Variants in SYN2 observed in about 807,000 individuals in gnomAD.
SYN2 encodes synapsin II, also known as synapsin-2.
SYN2 carries 19 observed loss-of-function variants against 50.9 expected under a neutral mutation model. The observed-to-expected ratio is 0.37, with a 90% confidence interval of 0.26 to 0.55. The LOEUF (loss-of-function observed/expected upper bound fraction) is 0.55. SYN2 is among the 20% of genes least tolerant of loss of function. The pLI is 0.81. For synonymous variants in SYN2, 255 were observed against 224.9 expected (o/e 1.13, Z -1.20); for missense variants, 587 against 576.4 (o/e 1.02, Z -0.19).
intron 1 of SYN2, among the ~76,000 whole-genome samples, chr3:12,106,586 A>C (rs1446555905): frequency 1.3e-5 from 2 of 152,184 alleles, no homozygotes; most frequent in African/African-American, 4.8e-5. Flanking sequence ...ACTAAAAATT[A>C]ATGTGTTGGG....
At chr3:12,062,660 C>T (rs1037393533) in intron 1 of SYN2, among the ~76,000 whole-genome samples, 2 of 151,918 alleles carry the variant, frequency 1.3e-5, no homozygotes, top group South Asian at 2.1e-4. Flanking sequence ...CAATAAGAAG[C>T]GTAGACAGTT....
chr3:12,109,384 G>T (rs577356100), intron 1 of SYN2, among the ~76,000 whole-genome samples: 1 of 152,306 alleles, frequency 6.6e-6, no homozygotes, highest in Non-Finnish European at 1.5e-5. Context: ...AAGTATGGGT[G>T]TTTATTATAA....
At chr3:12,183,242 C>T in intron 10 of SYN2, 70 bp from the exon 11 acceptor site, 1 of 1,542,526 alleles carries the variant, frequency 6.5e-7, no homozygotes, top group Non-Finnish European at 8.7e-7. Context: ...TGCCATGGAG[C>T]CACGTGGTTT....
chr3:12,070,835 T>A, intron 1 of SYN2: 1 of 595,136 alleles, frequency 1.7e-6, no homozygotes, highest in Non-Finnish European at 3.3e-6. Context: ...AGCTACAGCT[T>A]CAACACCATG....
intron 1 of SYN2, among the ~76,000 whole-genome samples, chr3:12,061,029 A>C (rs1365774743): frequency 6.6e-6 from 1 of 152,186 alleles, no homozygotes; most frequent in East Asian, 1.9e-4. Context: ...TAATGTAAGC[A>C]GAGAGATGGA....
At chr3:12,133,961 G>A (rs1332785669) in intron 1 of SYN2, among the ~76,000 whole-genome samples, 1 of 152,172 alleles carries the variant, frequency 6.6e-6, no homozygotes, top group East Asian at 1.9e-4. Context: ...AGGGGAATGG[G>A]CACTTATTGC....
chr3:12,141,764 A>G (rs944415299), intron 2 of SYN2, 141 bp from the exon 3 acceptor site: 7 of 619,830 alleles, frequency 1.1e-5, no homozygotes, highest in African/African-American at 7.3e-5. Flanking sequence ...CAGTGTTGCT[A>G]TTAGAATTAG....
At chr3:12,106,763 T>C (rs73813125) in intron 1 of SYN2, among the ~76,000 whole-genome samples, 20,309 of 152,174 alleles carry the variant, frequency 0.13, 2,299 homozygotes, top group African/African-American at 0.31. Context: ...GCTACTATGC[T>C]GATTATTATA....
intron 1 of SYN2, among the ~76,000 whole-genome samples, chr3:12,130,235 T>C (rs976406598): frequency 5.3e-5 from 4 of 75,228 alleles, no homozygotes; most frequent in Admixed American, 3.5e-4. Flanking sequence ...CATCTCTGTG[T>C]GCGTGTGTGT....
In SYN2 at chr3:12,004,495, T is replaced by C; in HGVS notation, c.-57T>C. On this transcript the variant is annotated 5_prime_UTR_variant, in exon 1 of 13. Transcript: ENST00000621198. The stretch of plus-strand genomic sequence containing the variant: ...CCTCAATCTCGCCTTCCGCCCTCGC[T>C]CTCCCTCCGCGCCACCAGACCCCGT... 6.7e-6 allele frequency: 3 copies of C among 448,298 alleles called. No homozygotes were observed. Among genetic ancestry groups the C allele is most frequent in the South Asian group, 2.5e-5 (1 of 40,184 alleles). The allele number at this position is 448,298 out of a possible 1,614,324, so 27.8% of individuals were successfully genotyped here.
chr3:12,055,698 C>G lies in SYN2; in HGVS notation c.377+50770C>G, dbSNP rs1282279206. Among the ~76,000 whole-genome samples the G allele has an allele frequency of 6.6e-5, 10 of 152,134 alleles. No individual in the cohort carries two copies. In the East Asian group the frequency reaches 1.7e-3, roughly 26 times the overall value. ...CTTTTACATATTTAGTTGCCTTTCT[C>G]TCTGGGTATTTGGTGGTTCTTTTGA... On this transcript the variant is annotated intron_variant, in intron 1 of 12. Transcript: ENST00000621198.
chr3:12,114,998 A>G (rs929754075), intron 1 of SYN2, among the ~76,000 whole-genome samples: 7 of 152,088 alleles, frequency 4.6e-5, no homozygotes, highest in Non-Finnish European at 8.8e-5. Flanking sequence ...TCCATCCCCA[A>G]TGTTATCCCC....
At chr3:12,185,420 G>C in intron 11 of SYN2, 1 of 985,802 alleles carries the variant, frequency 1.0e-6, no homozygotes, top group Non-Finnish European at 1.2e-6. Flanking sequence ...TGTCAGTCAA[G>C]GTCTTTCAGG....
At chr3:12,163,973 C>A (rs1240419486) in intron 7 of SYN2, among the ~76,000 whole-genome samples, 2 of 152,042 alleles carry the variant, frequency 1.3e-5, no homozygotes, top group African/African-American at 4.8e-5. Flanking sequence ...ACTTAGGAGT[C>A]TGAGGTGGGA....
chr3:12,068,354 G>A (rs73813115), intron 1 of SYN2, among the ~76,000 whole-genome samples: 3 of 152,264 alleles, frequency 2.0e-5, no homozygotes, highest in African/African-American at 7.2e-5. Context: ...GAAGTTTGCA[G>A]CCACTTTGAT....
At chr3:12,135,019 A>G (rs1287253199) in intron 1 of SYN2, among the ~76,000 whole-genome samples, 3 of 152,220 alleles carry the variant, frequency 2.0e-5, no homozygotes, top group Non-Finnish European at 2.9e-5. Context: ...TACAAGTTGC[A>G]AAAGCCAGCT....
rs182008529 is a variant in SYN2 at position 12,159,167 on chromosome 3, C to T, written c.775-2379C>T. 219 of 330,438 alleles carry T rather than the reference C, an allele frequency of 6.6e-4. No homozygotes were observed. In the East Asian group the frequency reaches 8.2e-3, roughly 12 times the overall value. 20.5% of individuals were successfully genotyped at this position (330,438 alleles called of 1,614,324 possible). A position where few individuals can be genotyped will look rare whatever the true frequency, so the allele number is the denominator to read the frequency against. ...GGGGATGGTGTCAAGGGCAGAAAGA[C>T]GGAAAGAGCCACAAAGACAAATGCA... On this transcript the variant is annotated intron_variant, in intron 5 of 12. Transcript: ENST00000621198.
chr3:12,025,373 T>C (rs1694235161), intron 1 of SYN2, among the ~76,000 whole-genome samples: 1 of 152,230 alleles, frequency 6.6e-6, no homozygotes, highest in African/African-American at 2.4e-5. Context: ...TAGAGAAGGC[T>C]GTACCTAACA....
In SYN2 at chr3:12,150,656, A is replaced by G. The variant is rs572888347; in HGVS notation, c.685-581A>G. On this transcript the variant is annotated intron_variant, in intron 4 of 12. Coordinates refer to ENST00000621198, the MANE Select transcript of SYN2 (RefSeq NM_133625.6). ...TCCCTCGTTAGGTAGTAAGTCCCAG[A>G]AAGACTGGGCCTGTCTATCCCACAT... is the stretch of plus-strand genomic sequence containing the variant. Among the ~76,000 whole-genome samples, 12 of 152,318 alleles carry G rather than the reference A, an allele frequency of 7.9e-5. No homozygotes were observed. In the East Asian group the frequency reaches 2.3e-3, roughly 29 times the overall value.
Sources: gnomAD v4.1 joint callset for allele counts (sites outside exome capture counted in the v4.1 genomes callset) on GRCh38, gnomAD v4.1.1 for gene constraint, MANE v1.5 for transcripts, NCBI Gene and HGNC (gene_info 2026-07-23, HGNC 2026-07-21) for gene names.